Variants in KLHL20 observed in about 807,000 individuals in gnomAD.
KLHL20 encodes the protein kelch like family member 20, also known as kelch-like protein 20.
Under a neutral mutation model 69.5 loss-of-function variants are expected in KLHL20, and 29 were observed. The ratio of observed to expected loss-of-function variants is 0.42; its 90% CI spans 0.31 to 0.57. The LOEUF (loss-of-function observed/expected upper bound fraction) is 0.57, where lower values mean the gene tolerates loss of function less well. KLHL20 is among the 20% of genes least tolerant of loss of function. The pLI is 0.18. For synonymous variants in KLHL20, 253 were observed against 265.2 expected (o/e 0.95, Z 0.45); for missense variants, 419 against 776.0 (o/e 0.54, Z 5.47).
At chr1:173,755,217 C>A (rs892184014) in intron 5 of KLHL20, among the ~76,000 whole-genome samples, 2 of 152,134 alleles carry the variant, frequency 1.3e-5, no homozygotes, top group Admixed American at 1.3e-4. Flanking sequence ...TACCACCACA[C>A]CCAGCTACTT....
intron 10 of KLHL20, among the ~76,000 whole-genome samples, chr1:173,776,522 CCA>C (rs2102534786): frequency 6.6e-6 from 1 of 152,154 alleles, no homozygotes; most frequent in South Asian, 2.1e-4. Flanking sequence ...GAGAGTTTCC[CCA>C]GTGTTTTCTT....
chr1:173,735,311 T>G (rs2102474145), intron 3 of KLHL20, among the ~76,000 whole-genome samples: 1 of 152,168 alleles, frequency 6.6e-6, no homozygotes, highest in Non-Finnish European at 1.5e-5. Context: ...TCGGGCATGG[T>G]GGCGTGCACC....
intron 7 of KLHL20, among the ~76,000 whole-genome samples, chr1:173,760,053 CACTT>C (rs1178412053): frequency 6.6e-6 from 1 of 152,116 alleles, no homozygotes; most frequent in African/African-American, 2.4e-5. Context: ...ACTTTGGACA[CACTT>C]TTAGAAATGC....
intron 3 of KLHL20, among the ~76,000 whole-genome samples, chr1:173,738,634 A>G (rs939265248): frequency 6.6e-6 from 1 of 152,208 alleles, no homozygotes; most frequent in African/African-American, 2.4e-5. Flanking sequence ...CAGGTTTGTC[A>G]TAGATGGTTT....
In KLHL20 at chr1:173,757,031, G is replaced by C; in HGVS notation, c.1023G>C (p.Gln341His). The change falls in exon 7 of 12, where the codon CAG (glutamine) becomes CAC (histidine). Residue 341 changes from glutamine to histidine, a missense_variant. Coordinates refer to ENST00000209884, the MANE Select transcript of KLHL20 (RefSeq NM_014458.4). ...AISSVERYDP[Q>H]TNEWRMVASM... ...CCAGTGTTGAACGATATGATCCACA[G>C]ACCAATGAATGGAGAATGGTGGCTT... The C allele has an allele frequency of 6.2e-7, 1 of 1,614,214 alleles. No homozygotes were observed. The highest frequency in any genetic ancestry group is 1.3e-5 in the African/African-American group (1 of 75,066).
In KLHL20 at chr1:173,732,295, AG is replaced by A. The variant is rs1672322613; in HGVS notation, c.24-1417del. 1.3e-5 allele frequency among the ~76,000 whole-genome samples: 2 copies of A among 152,126 alleles called. 1 individual carries two copies. Among genetic ancestry groups the A allele is most frequent in the Non-Finnish European group, 2.9e-5 (2 of 68,004 alleles). On this transcript the variant is annotated intron_variant, in intron 2 of 11. Coordinates refer to ENST00000209884, the MANE Select transcript of KLHL20 (RefSeq NM_014458.4). ...AGTTCAAGACCAGCGTGGGCAACTT[AG>A]TGAGACCCTCATCTCAAAAATTAAA...
At chr1:173,771,014 A>G (rs556958467) in intron 8 of KLHL20, among the ~76,000 whole-genome samples, 6 of 152,326 alleles carry the variant, frequency 3.9e-5, no homozygotes, top group African/African-American at 1.4e-4. Context: ...TAAGGAAAAG[A>G]AACTTAGATT....
intron 2 of KLHL20, among the ~76,000 whole-genome samples, chr1:173,719,975 G>A (rs776602725): frequency 1.3e-4 from 20 of 152,072 alleles, no homozygotes; most frequent in South Asian, 2.1e-4. Context: ...CAGTATTGGC[G>A]TGGTACAGTG....
rs1385006405 is a variant in KLHL20, at chr1:173,786,171, C to G, written c.*924C>G. The G allele has an allele frequency of 6.6e-6, 1 of 152,562 alleles. No homozygotes were observed. The highest frequency in any genetic ancestry group is 6.6e-5 in the Admixed American group (1 of 15,264). The allele number at this position is 152,562 out of a possible 1,614,324, so 9.5% of individuals were successfully genotyped here. A position where few individuals can be genotyped will look rare whatever the true frequency, so the allele number is the denominator to read the frequency against. ...ATGCAATTTATTCTTGATGCTCAGGCCTGGTTAAGCTGAGGCTTACCTTTA... is the reference window on the plus strand; with the variant it reads ...ATGCAATTTATTCTTGATGCTCAGGGCTGGTTAAGCTGAGGCTTACCTTTA... On this transcript the variant is annotated 3_prime_UTR_variant, in exon 12 of 12. Transcript: ENST00000209884.
At chr1:173,783,696 C>T (rs1419307656) in intron 11 of KLHL20, among the ~76,000 whole-genome samples, 9 of 151,972 alleles carry the variant, frequency 5.9e-5, no homozygotes, top group Non-Finnish European at 5.9e-5. Flanking sequence ...GATGAAACCT[C>T]GTCTCTACTA....
At position 173,751,835 on chromosome 1, in the gene KLHL20, A is replaced by G. The variant is rs781069026; in HGVS notation, c.669A>G (p.Leu223=). The stretch of plus-strand genomic sequence containing the variant: ...TTGATATAATATCCAGTGATGAGCT[A>G]AACGTTCGCAGTGAAGAACAAGTGT... ...QLIDIISSDE[L]NVRSEEQVFN... Residue 223 remains leucine (L), a synonymous_variant, in exon 4 of 12, where the codon CTA becomes CTG. Coordinates refer to ENST00000209884, the MANE Select transcript of KLHL20 (RefSeq NM_014458.4). 1.5e-5 allele frequency: 25 copies of G among 1,613,942 alleles called. No individual in the cohort carries two copies. Among genetic ancestry groups the G allele is most frequent in the Non-Finnish European group, 2.0e-5 (24 of 1,179,932 alleles).
chr1:173,745,839 A>T (rs947337054), intron 3 of KLHL20, among the ~76,000 whole-genome samples: 3 of 152,070 alleles, frequency 2.0e-5, no homozygotes, highest in Non-Finnish European at 4.4e-5. Context: ...TGGCTTTAGG[A>T]TTGAGGTATA....
rs757710319 is a variant in KLHL20, at chr1:173,734,313, A to T, written c.597+27A>T. On this transcript the variant is annotated intron_variant, in intron 3 of 11. Transcript: ENST00000209884. ...TGAGTTGCACTTGGTGTTCCAATGC[A>T]CCCATTTGTTGGAGAGCAATATGGG... The T allele has an allele frequency of 2.5e-6, 4 of 1,603,870 alleles. No individual in the cohort carries two copies. In the South Asian group the frequency reaches 4.4e-5, roughly 18 times the overall value.
chr1:173,727,564 C>G (rs1405784596), intron 2 of KLHL20, among the ~76,000 whole-genome samples: 1 of 152,190 alleles, frequency 6.6e-6, no homozygotes, highest in Non-Finnish European at 1.5e-5. Flanking sequence ...GGCAGAAACT[C>G]TACAAGCCAG....
chr1:173,722,767 G>A (rs989907323), intron 2 of KLHL20, among the ~76,000 whole-genome samples: 1 of 147,640 alleles, frequency 6.8e-6, no homozygotes, highest in Admixed American at 6.8e-5. Context: ...TTGGTTCACC[G>A]CAACCTCTGC....
chr1:173,768,618 A>G (rs1364555377), intron 8 of KLHL20, among the ~76,000 whole-genome samples: 2 of 152,244 alleles, frequency 1.3e-5, no homozygotes, highest in African/African-American at 4.8e-5. Flanking sequence ...ATAAAAACAG[A>G]TAGAGTAATA....
rs1304096839 is a variant in KLHL20 at position 173,716,075 on chromosome 1, T to G, written c.23+9T>G. Reference sequence around the variant, plus strand: ...GGAAAGCCAATGCGCAGGTAGGCATTTAGGAAGAAAACCTTTGGTTTCACT... The same window carrying G: ...GGAAAGCCAATGCGCAGGTAGGCATGTAGGAAGAAAACCTTTGGTTTCACT... On this transcript the variant is annotated intron_variant, in intron 2 of 11. Coordinates refer to ENST00000209884, the MANE Select transcript of KLHL20 (RefSeq NM_014458.4). 4 of 1,613,328 alleles carry G rather than the reference T, an allele frequency of 2.5e-6. No homozygotes were observed. The highest frequency in any genetic ancestry group is 2.5e-6 in the Non-Finnish European group (3 of 1,179,532).
rs1353630009 is a variant in KLHL20, at chr1:173,754,167, A to G, written c.851+860A>G. Among the ~76,000 whole-genome samples, 4 of 152,230 alleles carry G rather than the reference A, an allele frequency of 2.6e-5. No homozygotes were observed. The East Asian group carries it at 5.8e-4, about 22-fold the overall frequency. ...ATAAACTAAAGCCTGTTCTTTTAAC[A>G]GGAGAGGCTGGAGGGGATTTTAGAT... is the stretch of plus-strand genomic sequence containing the variant. On this transcript the variant is annotated intron_variant, in intron 5 of 11. Transcript: ENST00000209884.
At chr1:173,725,781 C>T (rs534344608) in intron 2 of KLHL20, among the ~76,000 whole-genome samples, 5 of 152,090 alleles carry the variant, frequency 3.3e-5, no homozygotes, top group Non-Finnish European at 5.9e-5. Flanking sequence ...CCAAGATGGC[C>T]GAATAGGAAC....
Sources: allele counts gnomAD v4.1 joint callset (sites outside exome capture counted in the v4.1 genomes callset), GRCh38; gene constraint gnomAD v4.1.1; transcripts MANE v1.5; gene names NCBI Gene and HGNC (gene_info 2026-07-23, HGNC 2026-07-21).